Variants in MBNL1 observed in about 807,000 individuals in gnomAD.
MBNL1 encodes the protein muscleblind like splicing regulator 1, also known as muscleblind-like protein 1.
In MBNL1, 8 loss-of-function variants were observed where a neutral mutation model predicts 42.2. The observed-to-expected ratio is 0.19, with a 90% CI of 0.11 to 0.34. The LOEUF is 0.34. Among genes scored for constraint, MBNL1 ranks in the 10% least tolerant of loss-of-function variants. The pLI is 1.00. For synonymous variants in MBNL1, 169 were observed against 173.9 expected, an observed-to-expected ratio of 0.97 and a Z score of 0.22; for missense variants, 309 against 495.3, an observed-to-expected ratio of 0.62 and a Z score of 3.57.
chr3:152,417,917 G>C (rs936433462), intron 3 of MBNL1, among the ~76,000 whole-genome samples: 11 of 152,166 alleles, frequency 7.2e-5, no homozygotes, highest in Non-Finnish European at 1.5e-4. Flanking sequence ...ATGCAACCAA[G>C]TTTGGGTTCT....
intron 3 of MBNL1, among the ~76,000 whole-genome samples, chr3:152,427,045 C>T (rs2098942154): frequency 6.6e-6 from 1 of 152,186 alleles, no homozygotes; most frequent in Admixed American, 6.5e-5. Context: ...TGAGATAAGG[C>T]ACTTTATCCC....
intron 2 of MBNL1, among the ~76,000 whole-genome samples, chr3:152,391,997 T>C (rs577037612): frequency 6.6e-6 from 1 of 152,230 alleles, no homozygotes; most frequent in South Asian, 2.1e-4. Context: ...TTCTATAATA[T>C]CAATAAATTG....
chr3:152,296,919 CAT>C (rs2058751168), intron 1 of MBNL1, among the ~76,000 whole-genome samples: 2 of 152,100 alleles, frequency 1.3e-5, no homozygotes, highest in South Asian at 4.1e-4. Flanking sequence ...TCCTTAAAAA[CAT>C]ATGGTCTAGT....
At chr3:152,279,816 T>G (rs888761263) in intron 1 of MBNL1, among the ~76,000 whole-genome samples, 7 of 152,124 alleles carry the variant, frequency 4.6e-5, no homozygotes, top group Non-Finnish European at 1.0e-4. Flanking sequence ...AGATCATGGT[T>G]GTTTGATTAT....
At chr3:152,403,665 G>A (rs1431785568) in intron 2 of MBNL1, among the ~76,000 whole-genome samples, 3 of 152,152 alleles carry the variant, frequency 2.0e-5, no homozygotes, top group African/African-American at 2.4e-5. Flanking sequence ...TGGGGGTGGA[G>A]TGCAGAGGAG....
intron 2 of MBNL1, among the ~76,000 whole-genome samples, 178 bp downstream of exon 2, chr3:152,300,545 C>T (rs1185685526): frequency 6.6e-6 from 1 of 152,002 alleles, no homozygotes; most frequent in African/African-American, 2.4e-5. Context: ...TCTGGCCAAA[C>T]TTTGTTATGA....
intron 2 of MBNL1, among the ~76,000 whole-genome samples, chr3:152,411,247 C>T (rs1218821397): frequency 6.6e-6 from 1 of 152,170 alleles, no homozygotes; most frequent in Non-Finnish European, 1.5e-5. Context: ...GATGGCTGGT[C>T]ATGGTGGCTC....
At chr3:152,435,827 T>C (rs982609259) in intron 4 of MBNL1, among the ~76,000 whole-genome samples, 18 of 152,248 alleles carry the variant, frequency 1.2e-4, no homozygotes, top group Non-Finnish European at 2.4e-4. Flanking sequence ...AATGCACTCC[T>C]GATTTGGCTC....
Position 152,393,466 on chromosome 3 carries a change from T to C in MBNL1, c.175-21475T>C, listed in dbSNP as rs540813216. On this transcript the variant is annotated intron_variant, in intron 2 of 9. Coordinates refer to ENST00000324210, the MANE Select transcript of MBNL1 (RefSeq NM_021038.5). ...GCAAAGAGCTAAAAGTCTCTGGAAC[T>C]GTACTGAAACACTGGGTGAGAAAGC... Among the ~76,000 whole-genome samples the C allele has an allele frequency of 3.3e-5, 5 of 152,352 alleles. No homozygotes were observed. In the East Asian group the frequency reaches 9.6e-4, roughly 29 times the overall value.
intron 4 of MBNL1, among the ~76,000 whole-genome samples, chr3:152,443,662 G>C (rs1580603589): frequency 6.6e-6 from 1 of 151,860 alleles, no homozygotes; most frequent in East Asian, 1.9e-4. Flanking sequence ...AATTATTCTC[G>C]GTAACAGCTT....
chr3:152,272,597 A>G (rs986878687), intron 1 of MBNL1, among the ~76,000 whole-genome samples: 2 of 152,110 alleles, frequency 1.3e-5, no homozygotes, highest in Non-Finnish European at 2.9e-5. Flanking sequence ...ACCCATATCC[A>G]AAGTCCTGAG....
chr3:152,445,579 A>G, intron 5 of MBNL1, 40 bp downstream of exon 5: 1 of 1,566,988 alleles, frequency 6.4e-7, no homozygotes, highest in Non-Finnish European at 8.6e-7. Flanking sequence ...TAGCAGTCAG[A>G]AAAGCAAAGT....
At chr3:152,311,841 A>G (rs2152068699) in intron 2 of MBNL1, among the ~76,000 whole-genome samples, 1 of 151,828 alleles carries the variant, frequency 6.6e-6, no homozygotes, top group Admixed American at 6.6e-5. Context: ...AGAAGATGAA[A>G]TTTCTGGGCA....
chr3:152,358,167 G>A (rs531955735), intron 2 of MBNL1, among the ~76,000 whole-genome samples: 44 of 152,172 alleles, frequency 2.9e-4, no homozygotes, highest in Non-Finnish European at 4.3e-4. Flanking sequence ...CATGAAGAGC[G>A]AAATGTGTAT....
At chr3:152,372,890 G>A (rs1024271171) in intron 2 of MBNL1, among the ~76,000 whole-genome samples, 3 of 152,186 alleles carry the variant, frequency 2.0e-5, no homozygotes, top group African/African-American at 7.2e-5. Flanking sequence ...TGCTGAAGCT[G>A]CACCCACAGC....
At position 152,300,023 on chromosome 3, in the gene MBNL1, A is replaced by T. The variant is rs1328651092; in HGVS notation, c.-171A>T. On this transcript the variant is annotated 5_prime_UTR_variant, in exon 2 of 10. Transcript: ENST00000324210. ...TTTCTAGTGGGAGATCTTTTCCTTG[A>T]TATTGACGACACAATTTTCCATGTA... The T allele has an allele frequency of 3.2e-5, 17 of 530,430 alleles. No individual in the cohort carries two copies. Among genetic ancestry groups the T allele is most frequent in the Non-Finnish European group, 5.3e-5 (16 of 300,836 alleles). 32.9% of individuals were successfully genotyped at this position (530,430 alleles called of 1,614,324 possible). A position where few individuals can be genotyped will look rare whatever the true frequency, so the allele number is the denominator to read the frequency against.
At chr3:152,370,607 C>G (rs961190173) in intron 2 of MBNL1, among the ~76,000 whole-genome samples, 1 of 152,142 alleles carries the variant, frequency 6.6e-6, no homozygotes, top group Non-Finnish European at 1.5e-5. Flanking sequence ...GTGTTAAAGT[C>G]TCCTACTATT....
rs79294995 is a variant in MBNL1 at position 152,275,927 on chromosome 3, C to T, written c.-790+6835C>T. Among the ~76,000 whole-genome samples, 205 of 151,926 alleles carry T rather than the reference C, an allele frequency of 1.3e-3. 4 individuals carry two copies. The East Asian group carries it at 0.032, about 23-fold the overall frequency. On this transcript the variant is annotated intron_variant, in intron 1 of 9. Transcript: ENST00000324210. ...AAAGAAACAATAGATTGGGGAAAAA[C>T]CATTTACTCTTTTCATGCCCTAGTT...
intron 1 of MBNL1, among the ~76,000 whole-genome samples, chr3:152,291,723 G>T (rs1032187939): frequency 6.6e-6 from 1 of 152,184 alleles, no homozygotes; most frequent in African/African-American, 2.4e-5. Context: ...CGAGATAAGC[G>T]TGTAATATTA....
Sources: allele counts gnomAD v4.1 joint callset (sites outside exome capture counted in the v4.1 genomes callset), GRCh38; gene constraint gnomAD v4.1.1; transcripts MANE v1.5; gene names NCBI Gene and HGNC (gene_info 2026-07-23, HGNC 2026-07-21).